TBX15: variants seen among roughly 807,000 people sequenced by gnomAD.
TBX15 encodes T-box transcription factor 15.
TBX15 carries 18 observed loss-of-function variants against 53.9 expected under a neutral mutation model. That is an observed-to-expected ratio of 0.33 (90% confidence interval 0.23 to 0.49). The LOEUF (loss-of-function observed/expected upper bound fraction) is 0.49. Ranked by LOEUF, TBX15 falls within the 20% of genes least tolerant of loss-of-function variation. TBX15 has a pLI of 0.98. For synonymous variants in TBX15, 295 were observed against 278.0 expected, an observed-to-expected ratio of 1.06 and a Z score of -0.61; for missense variants, 692 against 749.5, an observed-to-expected ratio of 0.92 and a Z score of 0.90.
intron 5 of TBX15, among the ~76,000 whole-genome samples, chr1:118,921,974 A>G (rs1396116605): frequency 2.0e-5 from 3 of 152,256 alleles, no homozygotes; most frequent in Non-Finnish European, 4.4e-5. Flanking sequence ...TCCGAAAAGT[A>G]TAGTTAGGTA....
At chr1:118,986,205 A>C (rs1212455811) in intron 1 of TBX15, among the ~76,000 whole-genome samples, 1 of 152,208 alleles carries the variant, frequency 6.6e-6, no homozygotes, top group Non-Finnish European at 1.5e-5. Flanking sequence ...AAATGAGCTG[A>C]GGAAATAGGG....
At chr1:118,958,495 T>C (rs545546364) in intron 1 of TBX15, among the ~76,000 whole-genome samples, 1 of 152,358 alleles carries the variant, frequency 6.6e-6, no homozygotes, top group South Asian at 2.1e-4. Context: ...AATATTTTGA[T>C]GTTTAGTTCA....
In TBX15 at chr1:118,987,672, G is replaced by A. The variant is rs1452879646; in HGVS notation, c.124C>T (p.Leu42=). 4 of 1,550,310 alleles carry A rather than the reference G, an allele frequency of 2.6e-6. No homozygotes were observed. The highest frequency in any genetic ancestry group is 3.5e-6 in the Non-Finnish European group (4 of 1,146,826). ...GCGGGGCTCAGCGCCTCCATAGACAGGTCCAGCCCCTTCTCCTCCCAGTCT... is the reference window on the plus strand; with the variant it reads ...GCGGGGCTCAGCGCCTCCATAGACAAGTCCAGCCCCTTCTCCTCCCAGTCT... ...LRDWEEKGLD[L]SMEALSPAGP... Residue 42 remains leucine, a synonymous_variant, in exon 1 of 8, where the codon CTG becomes TTG. Transcript: ENST00000369429.
At chr1:118,906,134 T>G in intron 6 of TBX15, among the ~76,000 whole-genome samples, 1 of 152,214 alleles carries the variant, frequency 6.6e-6, no homozygotes, top group East Asian at 1.9e-4. Flanking sequence ...TACTATTGCT[T>G]GTATACTTAT....
At chr1:118,911,448 G>C (rs541672233) in intron 6 of TBX15, among the ~76,000 whole-genome samples, 1 of 152,294 alleles carries the variant, frequency 6.6e-6, no homozygotes, top group African/African-American at 2.4e-5. Flanking sequence ...CCATTAGGAA[G>C]GACACACACA....
intron 1 of TBX15, among the ~76,000 whole-genome samples, chr1:118,979,839 G>T (rs1460168044): frequency 6.6e-6 from 1 of 152,166 alleles, no homozygotes; most frequent in Non-Finnish European, 1.5e-5. Context: ...GATGCGGCGA[G>T]GCGAGGCGAG....
chr1:118,964,625 A>G (rs1656983997), intron 1 of TBX15, among the ~76,000 whole-genome samples: 1 of 152,246 alleles, frequency 6.6e-6, no homozygotes, highest in African/African-American at 2.4e-5. Context: ...ACTCATCTAC[A>G]TATTGTAAGT....
chr1:118,977,789 G>A (rs970469207), intron 1 of TBX15, among the ~76,000 whole-genome samples: 4 of 152,186 alleles, frequency 2.6e-5, no homozygotes, highest in African/African-American at 9.7e-5. Flanking sequence ...GTTGACAAGC[G>A]TTTTGCCTGT....
intron 5 of TBX15, among the ~76,000 whole-genome samples, chr1:118,919,844 A>T (rs1323503229): frequency 6.6e-6 from 1 of 152,116 alleles, no homozygotes; most frequent in African/African-American, 2.4e-5. Flanking sequence ...ACATCTATCT[A>T]CTCTCTCTTG....
chr1:118,934,646 C>A (rs573173896), intron 1 of TBX15, among the ~76,000 whole-genome samples: 2 of 152,254 alleles, frequency 1.3e-5, no homozygotes, highest in South Asian at 4.1e-4. Flanking sequence ...TATGAGCATT[C>A]AAAAATAATC....
intron 6 of TBX15, among the ~76,000 whole-genome samples, chr1:118,911,202 G>A (rs1655015425): frequency 6.6e-6 from 1 of 151,528 alleles, no homozygotes; most frequent in Non-Finnish European, 1.5e-5. Context: ...AGCCTCAATT[G>A]CTTCATTTGT....
At chr1:118,959,735 CA>C (rs1233534984) in intron 1 of TBX15, among the ~76,000 whole-genome samples, 1 of 152,108 alleles carries the variant, frequency 6.6e-6, no homozygotes, top group Non-Finnish European at 1.5e-5. Flanking sequence ...ACATATAGAC[CA>C]AATGAGAAAG....
At chr1:118,981,077 C>T (rs1228993577) in intron 1 of TBX15, among the ~76,000 whole-genome samples, 1 of 152,034 alleles carries the variant, frequency 6.6e-6, no homozygotes, top group Non-Finnish European at 1.5e-5. Flanking sequence ...GTGATCCCCG[C>T]CCCCCGCCTC....
Position 118,928,968 on chromosome 1 carries a change from G to A in TBX15, c.420-2357C>T, listed in dbSNP as rs143592494. Among the ~76,000 whole-genome samples, 40 of 152,178 alleles carry A rather than the reference G, an allele frequency of 2.6e-4. No homozygotes were observed. In the East Asian group the frequency reaches 5.4e-3, roughly 21 times the overall value. The stretch of plus-strand genomic sequence containing the variant: ...TTTGAATTCTCTTCTTAAAAACTTC[G>A]CAAGCCTTTTTTTTCTTTTTGTCAC... On this transcript the variant is annotated intron_variant, in intron 2 of 7. Coordinates refer to ENST00000369429, the MANE Select transcript of TBX15 (RefSeq NM_001330677.2).
chr1:118,977,421 A>G (rs1303927976), intron 1 of TBX15, among the ~76,000 whole-genome samples: 3 of 152,124 alleles, frequency 2.0e-5, no homozygotes, highest in Admixed American at 1.3e-4. Context: ...AGTGCTTCCT[A>G]TGTAACAGCC....
chr1:118,979,030 A>G (rs936055790), intron 1 of TBX15, among the ~76,000 whole-genome samples: 1 of 152,182 alleles, frequency 6.6e-6, no homozygotes, highest in Non-Finnish European at 1.5e-5. Flanking sequence ...CCCTAGGTTT[A>G]CAATTCGGAG....
intron 1 of TBX15, among the ~76,000 whole-genome samples, chr1:118,986,752 C>T (rs1011078926): frequency 6.6e-6 from 1 of 152,180 alleles, no homozygotes; most frequent in Non-Finnish European, 1.5e-5. Context: ...AACCAAGTTG[C>T]GAGCGTTGTA....
At chr1:118,942,327 T>C (rs1451976992) in intron 1 of TBX15, among the ~76,000 whole-genome samples, 1 of 152,202 alleles carries the variant, frequency 6.6e-6, no homozygotes, top group Non-Finnish European at 1.5e-5. Flanking sequence ...TGGAACAGTG[T>C]CTGGCACCTA....
intron 2 of TBX15, 91 bp from the exon 3 acceptor site, chr1:118,926,702 T>C (rs1655607051): frequency 2.6e-6 from 3 of 1,138,266 alleles, no homozygotes; most frequent in Admixed American, 3.9e-5. Flanking sequence ...TTTTTGTTTG[T>C]TTGTTTTCTT....
Sources: gnomAD v4.1 joint callset for allele counts (sites outside exome capture counted in the v4.1 genomes callset) on GRCh38, gnomAD v4.1.1 for gene constraint, MANE v1.5 for transcripts, NCBI Gene and HGNC (gene_info 2026-07-23, HGNC 2026-07-21) for gene names.